Variants in FAM168B observed in about 807,000 individuals in gnomAD.
The protein encoded by FAM168B is myelin-associated neurite-outgrowth inhibitor.
In FAM168B, 19 loss-of-function variants were observed where a neutral mutation model predicts 21.8. That is an observed-to-expected ratio of 0.87 (90% CI 0.61 to 1.28). The LOEUF is 1.28. FAM168B is among the 50% of genes most tolerant of loss of function. FAM168B has a pLI of 0.00. For synonymous variants in FAM168B, 126 were observed against 104.8 expected (o/e 1.20, Z -1.24); for missense variants, 233 against 263.1 (o/e 0.89, Z 0.79).
rs1691982703 is a variant in FAM168B, at chr2:131,055,683, C to T, written c.167G>A (p.Gly56Asp). The T allele has an allele frequency of 6.2e-7, 1 of 1,613,638 alleles. No homozygotes were observed. The highest frequency in any genetic ancestry group is 1.1e-5 in the South Asian group (1 of 91,046). Residue 56 changes from glycine (G) to aspartate (D), a missense_variant, in exon 4 of 7, where the codon GGC (glycine) becomes GAC (aspartate). Gly to Asp is a moderately conservative substitution (Grantham distance 94). Coordinates refer to ENST00000389915, the MANE Select transcript of FAM168B (RefSeq NM_001009993.4). ...NPTFQTGYTP[G>D]TPYKVSCSPT... ...GGAACAGGACACTTTGTAAGGTGTG[C>T]CAGGAGTGTAACCTGGAACAAAGAA...
intron 2 of FAM168B, among the ~76,000 whole-genome samples, chr2:131,078,722 C>T (rs1033744376): frequency 2.6e-5 from 4 of 152,122 alleles, no homozygotes; most frequent in Admixed American, 6.5e-5. Flanking sequence ...GGCACAGTGG[C>T]TCAGGCCTGT....
chr2:131,055,774 A>G (rs887111681), intron 3 of FAM168B, 79 bp from the exon 4 acceptor site: 3 of 1,534,682 alleles, frequency 2.0e-6, no homozygotes, highest in Non-Finnish European at 2.6e-6. Context: ...GGGAGGAGCT[A>G]AGCTGCGTGT....
At position 131,051,639 on chromosome 2, in the gene FAM168B, T is replaced by C. The variant is rs868310224; in HGVS notation, c.*826A>G. 4.1e-6 allele frequency: 4 copies of C among 985,206 alleles called. No individual in the cohort carries two copies. Among genetic ancestry groups the C allele is most frequent in the African/African-American group, 1.7e-5 (1 of 57,216 alleles). The allele number at this position is 985,206 out of a possible 1,614,324, so 61.0% of individuals were successfully genotyped here. On this transcript the variant is annotated 3_prime_UTR_variant, in exon 7 of 7. Coordinates refer to ENST00000389915, the MANE Select transcript of FAM168B (RefSeq NM_001009993.4). The stretch of plus-strand genomic sequence containing the variant: ...CCAATAAAGACATATAAAAACATCA[T>C]CTCTCTAAGAGAACTGTAATGAAAA...
chr2:131,085,159 C>T (rs1693625822), intron 1 of FAM168B, among the ~76,000 whole-genome samples: 1 of 151,996 alleles, frequency 6.6e-6, no homozygotes, highest in Non-Finnish European at 1.5e-5. Context: ...AACTGCTAGA[C>T]CTAAAAAAAA....
At chr2:131,053,368 T>G (rs1691814083) in intron 5 of FAM168B, among the ~76,000 whole-genome samples, 1 of 152,208 alleles carries the variant, frequency 6.6e-6, no homozygotes, top group Non-Finnish European at 1.5e-5. Context: ...AAGAACATAA[T>G]TCTGAAAGAA....
chr2:131,079,813 T>G (rs1693342296), intron 2 of FAM168B, among the ~76,000 whole-genome samples: 1 of 151,788 alleles, frequency 6.6e-6, no homozygotes, highest in African/African-American at 2.4e-5. Flanking sequence ...CTAACAGACT[T>G]GTGGTTTAAA....
intron 2 of FAM168B, among the ~76,000 whole-genome samples, 178 bp from the exon 3 acceptor site, chr2:131,072,116 GT>G (rs544569210): frequency 2.0e-5 from 3 of 152,008 alleles, no homozygotes; most frequent in South Asian, 4.2e-4. Context: ...GCAGAACTTT[GT>G]TTTTTTTATC....
At chr2:131,083,023 C>A (rs550290832) in intron 1 of FAM168B, among the ~76,000 whole-genome samples, 2 of 152,116 alleles carry the variant, frequency 1.3e-5, no homozygotes, top group East Asian at 3.9e-4. Flanking sequence ...GAGTTTGAGA[C>A]CAGCCTGGCC....
intron 1 of FAM168B, among the ~76,000 whole-genome samples, chr2:131,089,923 T>C (rs185937668): frequency 6.8e-4 from 103 of 151,574 alleles, no homozygotes; most frequent in African/African-American, 2.3e-3. Flanking sequence ...TCCCAGCTAC[T>C]TGGGAGGCCG....
chr2:131,073,379 T>TA (rs1301934425), intron 2 of FAM168B, among the ~76,000 whole-genome samples: 1 of 152,174 alleles, frequency 6.6e-6, no homozygotes, highest in Admixed American at 6.6e-5. Flanking sequence ...CGGCATGAGT[T>TA]ACCACGCCTT....
intron 1 of FAM168B, among the ~76,000 whole-genome samples, chr2:131,090,335 A>G (rs1457779163): frequency 1.3e-4 from 20 of 151,080 alleles, no homozygotes; most frequent in Admixed American, 1.2e-3. Context: ...AAAAAAAAAA[A>G]AAAAGAAAGA....
chr2:131,079,657 G>A (rs538528803), intron 2 of FAM168B, among the ~76,000 whole-genome samples: 3 of 152,230 alleles, frequency 2.0e-5, no homozygotes, highest in African/African-American at 4.8e-5. Flanking sequence ...CCTTGATTTC[G>A]AACCTCTGGG....
chr2:131,063,009 ATGGACT>A (rs1260723553), intron 3 of FAM168B, among the ~76,000 whole-genome samples: 3 of 152,234 alleles, frequency 2.0e-5, no homozygotes, highest in African/African-American at 4.8e-5. Context: ...AAAAAATAAG[ATGGACT>A]GAAGGATGGA....
intron 3 of FAM168B, among the ~76,000 whole-genome samples, chr2:131,059,728 A>G (rs1692198681): frequency 1.3e-5 from 2 of 152,208 alleles, no homozygotes; most frequent in Non-Finnish European, 2.9e-5. Context: ...TCTTCATACA[A>G]TTAAAAACAT....
chr2:131,063,262 T>C (rs1692394402), intron 3 of FAM168B, among the ~76,000 whole-genome samples: 1 of 152,244 alleles, frequency 6.6e-6, no homozygotes, highest in Non-Finnish European at 1.5e-5. Flanking sequence ...TGAAATTTTT[T>C]ACAATAAAAT....
At position 131,051,070 on chromosome 2, in the gene FAM168B, C is replaced by A; in HGVS notation, c.*1395G>T. 2 of 985,386 alleles carry A rather than the reference C, an allele frequency of 2.0e-6. No homozygotes were observed. The highest frequency in any genetic ancestry group is 1.2e-6 in the Non-Finnish European group (1 of 829,962). 61.0% of individuals were successfully genotyped at this position (985,386 alleles called of 1,614,324 possible). On this transcript the variant is annotated 3_prime_UTR_variant, in exon 7 of 7. Transcript: ENST00000389915. ...CTCAAATTCCTCTCCCACAATAAAC[C>A]CTGCCAGCAAACGCACTCCAGCACT...
Position 131,071,857 on chromosome 2 carries a change from G to C in FAM168B, c.152C>G (p.Thr51Arg). 1 of 1,613,678 alleles carries C rather than the reference G, an allele frequency of 6.2e-7. No individual in the cohort carries two copies. Among genetic ancestry groups the C allele is most frequent in the Non-Finnish European group, 8.5e-7 (1 of 1,179,714 alleles). ...MYPGANPTFQ[T>R]GYTPGTPYKV... ...GCATTTTACCACCCAGCACATACCTGTTTGGAAGGTAGGATTCGCTCCAGG... is the reference window on the plus strand; with the variant it reads ...GCATTTTACCACCCAGCACATACCTCTTTGGAAGGTAGGATTCGCTCCAGG... Residue 51 changes from threonine (T) to arginine (R), a missense_variant and splice_region_variant, in exon 3 of 7, where the codon ACA (threonine) becomes AGA (arginine). Physicochemically the swap from Thr to Arg is moderately conservative, Grantham distance 71. Transcript: ENST00000389915.
In FAM168B at chr2:131,051,368, C is replaced by T. The variant is rs1304803605; in HGVS notation, c.*1097G>A. Reference sequence around the variant, plus strand: ...TAAATAAAGTTTTGTTCCCTTTTAACTCATTCTTAAATATACCACTTTCTT... The same window carrying T: ...TAAATAAAGTTTTGTTCCCTTTTAATTCATTCTTAAATATACCACTTTCTT... On this transcript the variant is annotated 3_prime_UTR_variant, in exon 7 of 7. Coordinates refer to ENST00000389915, the MANE Select transcript of FAM168B (RefSeq NM_001009993.4). The T allele has an allele frequency of 5.1e-6, 5 of 985,204 alleles. No individual in the cohort carries two copies. Among genetic ancestry groups the T allele is most frequent in the African/African-American group, 1.7e-5 (1 of 57,186 alleles). The allele number at this position is 985,204 out of a possible 1,614,324, so 61.0% of individuals were successfully genotyped here.
At chr2:131,056,619 G>A (rs1692036838) in intron 3 of FAM168B, among the ~76,000 whole-genome samples, 1 of 152,176 alleles carries the variant, frequency 6.6e-6, no homozygotes, top group South Asian at 2.1e-4. Flanking sequence ...GAGGGTCTCT[G>A]GACAGCTATG....
Sources: gnomAD v4.1 joint callset for allele counts (sites outside exome capture counted in the v4.1 genomes callset) on GRCh38, gnomAD v4.1.1 for gene constraint, MANE v1.5 for transcripts, NCBI Gene and HGNC (gene_info 2026-07-23, HGNC 2026-07-21) for gene names.